Variants in CNBD1 observed in about 807,000 individuals in gnomAD.
CNBD1 encodes the protein cyclic nucleotide binding domain containing 1, also known as cyclic nucleotide-binding domain-containing protein 1.
Under a neutral mutation model 54.4 loss-of-function variants are expected in CNBD1, and 71 were observed. The observed-to-expected ratio is 1.30, with a 90% CI of 1.08 to 1.59. The LOEUF (loss-of-function observed/expected upper bound fraction) is 1.59. CNBD1 is among the 40% of genes most tolerant of loss of function. CNBD1 has a pLI of 0.00. For missense variants in CNBD1, 659 were observed against 518.0 expected, an observed-to-expected ratio of 1.27 and a Z score of -2.64; for synonymous variants, 182 against 170.7, an observed-to-expected ratio of 1.07 and a Z score of -0.51.
chr8:87,334,844 C>T (rs940501602), intron 8 of CNBD1, among the ~76,000 whole-genome samples: 7 of 151,870 alleles, frequency 4.6e-5, no homozygotes, highest in African/African-American at 1.7e-4. Flanking sequence ...CTGCCTCAGC[C>T]TCCAGAGCCG....
chr8:86,997,912 T>C (rs1034137252), intron 4 of CNBD1, among the ~76,000 whole-genome samples: 5 of 152,128 alleles, frequency 3.3e-5, no homozygotes, highest in African/African-American at 1.2e-4. Flanking sequence ...CAGCTCAGAG[T>C]AAACTGGGAC....
chr8:87,238,957 ATATTGTACCTTCCAG>A (rs899196720), intron 6 of CNBD1, among the ~76,000 whole-genome samples: 5 of 152,048 alleles, frequency 3.3e-5, no homozygotes, highest in African/African-American at 1.2e-4. Context: ...GACGTCTGAG[ATATTGTACCTTCCAG>A]TACATTCCCT....
intron 4 of CNBD1, among the ~76,000 whole-genome samples, chr8:86,974,322 A>G (rs1286938113): frequency 3.3e-5 from 5 of 152,212 alleles, no homozygotes; most frequent in South Asian, 2.1e-4. Flanking sequence ...AATCCATACA[A>G]TTACTTTGAG....
At chr8:86,898,094 T>A (rs944074352) in intron 2 of CNBD1, among the ~76,000 whole-genome samples, 2 of 152,138 alleles carry the variant, frequency 1.3e-5, no homozygotes, top group Non-Finnish European at 2.9e-5. Flanking sequence ...ATGTTGTGGA[T>A]GGGAAAAAAG....
At chr8:87,312,569 CTT>C (rs1027996730) in intron 8 of CNBD1, among the ~76,000 whole-genome samples, 48 of 152,046 alleles carry the variant, frequency 3.2e-4, no homozygotes, top group African/African-American at 1.1e-3. Flanking sequence ...GACAATCTAT[CTT>C]TTCTGACTAC....
At chr8:87,425,903 C>T (rs10105008) in intron 2 of CNBD1, among the ~76,000 whole-genome samples, 49,019 of 151,318 alleles carry the variant, frequency 0.32, 8,002 homozygotes, top group Middle Eastern at 0.42. Context: ...CAATGGCGGG[C>T]GCCCCTCCCC....
intron 4 of CNBD1, among the ~76,000 whole-genome samples, chr8:87,059,820 A>G (rs1810505352): frequency 6.6e-6 from 1 of 152,152 alleles, no homozygotes; most frequent in Non-Finnish European, 1.5e-5. Context: ...ACTGTTGGTG[A>G]CCTCTAGGTT....
At chr8:87,213,256 A>G (rs1447375061) in intron 5 of CNBD1, among the ~76,000 whole-genome samples, 2 of 152,220 alleles carry the variant, frequency 1.3e-5, no homozygotes, top group Admixed American at 1.3e-4. Context: ...GGATTGTAAG[A>G]TGAAGCCACT....
At chr8:86,903,333 T>C (rs773107153) in intron 2 of CNBD1, among the ~76,000 whole-genome samples, 2 of 152,134 alleles carry the variant, frequency 1.3e-5, no homozygotes, top group Admixed American at 6.6e-5. Flanking sequence ...TGGAAATAAA[T>C]TTTTTATCCA....
intron 5 of CNBD1, among the ~76,000 whole-genome samples, chr8:87,234,596 T>C (rs1245796920): frequency 1.3e-5 from 2 of 152,190 alleles, no homozygotes; most frequent in Admixed American, 1.3e-4. Context: ...GCTTCAAATA[T>C]TCATTATAGA....
rs533759338 is a variant in CNBD1 at position 86,891,917 on chromosome 8, T to A, written c.158+4306T>A. ...AATTTTTGTACGTTGATTTTGTATA[T>A]CCTGCAACTTTACTGAATTTATTTA... On this transcript the variant is annotated intron_variant, in intron 2 of 10. Transcript: ENST00000518476. Among the ~76,000 whole-genome samples, 3 of 152,176 alleles carry A rather than the reference T, an allele frequency of 2.0e-5. No individual in the cohort carries two copies. The South Asian group carries it at 6.2e-4, about 32-fold the overall frequency.
At chr8:87,392,707 A>G (rs1408732175) in intron 2 of CNBD1, among the ~76,000 whole-genome samples, 1 of 151,972 alleles carries the variant, frequency 6.6e-6, no homozygotes, top group African/African-American at 2.4e-5. Flanking sequence ...TTTGGGGGTG[A>G]CAAAAACATT....
chr8:87,231,181 T>C (rs1814681953), intron 5 of CNBD1, among the ~76,000 whole-genome samples: 1 of 152,170 alleles, frequency 6.6e-6, no homozygotes, highest in African/African-American at 2.4e-5. Flanking sequence ...CATGTATTCA[T>C]AGGCAGACAT....
intron 8 of CNBD1, among the ~76,000 whole-genome samples, chr8:87,337,997 T>C (rs1055034297): frequency 3.9e-5 from 6 of 152,202 alleles, no homozygotes; most frequent in Admixed American, 1.3e-4. Context: ...TCTTTGACTT[T>C]CCTAATTTTA....
chr8:87,120,955 G>A (rs1369069327), intron 4 of CNBD1, among the ~76,000 whole-genome samples: 2 of 151,896 alleles, frequency 1.3e-5, no homozygotes, highest in Non-Finnish European at 2.9e-5. Context: ...CTAATTTTCT[G>A]AAAGCACTTG....
At chr8:87,421,227 T>C (rs1362454256) in intron 2 of CNBD1, among the ~76,000 whole-genome samples, 1 of 151,918 alleles carries the variant, frequency 6.6e-6, no homozygotes, top group Non-Finnish European at 1.5e-5. Flanking sequence ...TTTCCTTTTC[T>C]TTTTTATTTT....
At chr8:87,100,302 T>A (rs891043017) in intron 4 of CNBD1, among the ~76,000 whole-genome samples, 1 of 152,168 alleles carries the variant, frequency 6.6e-6, no homozygotes, top group Non-Finnish European at 1.5e-5. Flanking sequence ...ATTTTAAATA[T>A]TTTAAAAGAA....
chr8:87,082,790 T>C (rs1811023150), intron 4 of CNBD1, among the ~76,000 whole-genome samples: 2 of 152,178 alleles, frequency 1.3e-5, no homozygotes, highest in Non-Finnish European at 2.9e-5. Context: ...TTCAAAATGT[T>C]CCATCTGTTT....
At chr8:87,408,030 TA>T in intron 2 of CNBD1, among the ~76,000 whole-genome samples, 1 of 152,162 alleles carries the variant, frequency 6.6e-6, no homozygotes, top group South Asian at 2.1e-4. Flanking sequence ...TTTGTCCTTT[TA>T]GAAATTTCTG....
Sources: gnomAD v4.1 joint callset for allele counts (sites outside exome capture counted in the v4.1 genomes callset) on GRCh38, gnomAD v4.1.1 for gene constraint, MANE v1.5 for transcripts, NCBI Gene and HGNC (gene_info 2026-07-23, HGNC 2026-07-21) for gene names.